TBL1X: variants seen among roughly 807,000 people sequenced by gnomAD.
The protein encoded by TBL1X is F-box-like/WD repeat-containing protein TBL1X.
Under a neutral mutation model 50.7 loss-of-function variants are expected in TBL1X, and 10 were observed. That is an observed-to-expected ratio of 0.20 (90% CI 0.12 to 0.33). The LOEUF (loss-of-function observed/expected upper bound fraction) is 0.33, where lower values mean the gene tolerates loss of function less well. Among genes scored for constraint, TBL1X ranks in the 10% least tolerant of loss-of-function variants. The pLI, the probability that TBL1X is intolerant of heterozygous loss-of-function variation, is 1.00. For missense variants in TBL1X, 340 were observed against 504.4 expected (o/e 0.67, Z 3.12); for synonymous variants, 190 against 214.7 (o/e 0.88, Z 1.01).
At chrX:9,514,390 C>T (rs2082071585) in intron 2 of TBL1X, among the ~76,000 whole-genome samples, 1 of 109,932 alleles carries the variant, frequency 9.1e-6, no homozygotes, top group Non-Finnish European at 1.9e-5. Flanking sequence ...ACCTTTATTT[C>T]CTTGCTAGTT....
rs1214518315 is a variant in TBL1X, at chrX:9,719,142, G to C, written c.*2896G>C. 1.8e-5 allele frequency: 2 copies of C among 112,349 alleles called. No individual in the cohort carries two copies. The highest frequency in any genetic ancestry group is 6.5e-5 in the African/African-American group (2 of 30,861). The allele number at this position is 112,349 out of a possible 1,213,427, so 9.3% of individuals were successfully genotyped here. A position where few individuals can be genotyped will look rare whatever the true frequency, so the allele number is the denominator to read the frequency against. ...GTGACCTTGAAAGCAGACATAGCAT[G>C]ACAGACCTTCCTAGAGTGTTTGGTC... On this transcript the variant is annotated 3_prime_UTR_variant, in exon 18 of 18. Transcript: ENST00000645353.
At chrX:9,473,757 C>T (rs1360245321) in intron 1 of TBL1X, among the ~76,000 whole-genome samples, 1 of 112,101 alleles carries the variant, frequency 8.9e-6, no homozygotes, top group Non-Finnish European at 1.9e-5. Flanking sequence ...CACAGTGGTT[C>T]TATGTCAACT....
chrX:9,498,598 G>T (rs2081984515), intron 1 of TBL1X, among the ~76,000 whole-genome samples: 1 of 112,651 alleles, frequency 8.9e-6, no homozygotes. Flanking sequence ...GGAGCACTGA[G>T]AGCCACAGCA....
intron 2 of TBL1X, among the ~76,000 whole-genome samples, chrX:9,597,572 A>G (rs1159356121): frequency 8.9e-6 from 1 of 112,686 alleles, no homozygotes; most frequent in African/African-American, 3.2e-5. Context: ...CCCACTGGCC[A>G]GACTGGATTC....
chrX:9,619,387 G>T (rs1436852956), intron 2 of TBL1X, among the ~76,000 whole-genome samples: 1 of 112,000 alleles, frequency 8.9e-6, no homozygotes, highest in Non-Finnish European at 1.9e-5. Flanking sequence ...GAGTGCCCCA[G>T]TGATCCCAGC....
chrX:9,555,712 C>A (rs1300269296), intron 2 of TBL1X, among the ~76,000 whole-genome samples: 2 of 112,031 alleles, frequency 1.8e-5, no homozygotes, highest in African/African-American at 6.5e-5. Context: ...ACTTGTTATT[C>A]TCTCTCAGAG....
intron 16 of TBL1X, 98 bp downstream of exon 16, chrX:9,711,874 T>G: frequency 1.0e-6 from 1 of 969,518 alleles, no homozygotes; most frequent in South Asian, 2.8e-5. Context: ...CCGGAGGGAG[T>G]TGAGCAAGCT....
chrX:9,674,123 A>G (rs2082976688), intron 5 of TBL1X, among the ~76,000 whole-genome samples: 1 of 112,498 alleles, frequency 8.9e-6, no homozygotes, highest in Non-Finnish European at 1.9e-5. Context: ...AAAAATAACA[A>G]TACAACAATT....
intron 2 of TBL1X, among the ~76,000 whole-genome samples, chrX:9,615,271 G>A (rs1486074524): frequency 3.6e-5 from 4 of 112,402 alleles, no homozygotes; most frequent in African/African-American, 1.3e-4. Flanking sequence ...AGCTTTCAAA[G>A]TGAGGATGAG....
chrX:9,607,092 C>A (rs992039338), intron 2 of TBL1X, among the ~76,000 whole-genome samples: 11 of 112,321 alleles, frequency 9.8e-5, no homozygotes, highest in African/African-American at 3.6e-4. Flanking sequence ...GCACCAAGAT[C>A]GTCTGTCCAC....
intron 16 of TBL1X, 69 bp downstream of exon 16, chrX:9,711,845 C>G: frequency 1.8e-6 from 2 of 1,100,637 alleles, no homozygotes; most frequent in African/African-American, 3.7e-5. Context: ...CTCCAGTGCC[C>G]TTGGCTCAGA....
intron 7 of TBL1X, among the ~76,000 whole-genome samples, chrX:9,690,633 C>T (rs1485374681): frequency 8.9e-6 from 1 of 112,193 alleles, no homozygotes; most frequent in Non-Finnish European, 1.9e-5. Flanking sequence ...TAGCCCATAA[C>T]AGTAGCCATA....
intron 5 of TBL1X, among the ~76,000 whole-genome samples, chrX:9,680,046 C>T (rs1195091497): frequency 8.9e-6 from 1 of 111,949 alleles, no homozygotes; most frequent in Non-Finnish European, 1.9e-5. Context: ...TCCTGTTTCA[C>T]ATGGATGGCT....
intron 2 of TBL1X, among the ~76,000 whole-genome samples, chrX:9,503,713 G>T (rs1450990673): frequency 8.9e-6 from 1 of 112,790 alleles, no homozygotes; most frequent in Non-Finnish European, 1.9e-5. Flanking sequence ...TCTTAGTTGG[G>T]GTGTGTGTGG....
intron 11 of TBL1X, among the ~76,000 whole-genome samples, chrX:9,695,779 C>T (rs1055195473): frequency 4.5e-5 from 5 of 111,973 alleles, no homozygotes; most frequent in South Asian, 3.7e-4. Flanking sequence ...CTTTAACTTC[C>T]GTAGAATTCT....
At chrX:9,621,043 G>A (rs2082664361) in intron 2 of TBL1X, among the ~76,000 whole-genome samples, 1 of 111,918 alleles carries the variant, frequency 8.9e-6, no homozygotes, top group Admixed American at 9.5e-5. Flanking sequence ...TGTGACTTAT[G>A]GAGACTACAG....
At chrX:9,605,957 A>C (rs751893496) in intron 2 of TBL1X, among the ~76,000 whole-genome samples, 2 of 112,321 alleles carry the variant, frequency 1.8e-5, no homozygotes, top group African/African-American at 6.5e-5. Flanking sequence ...AATGACCCCA[A>C]AACTCAGCAG....
intron 7 of TBL1X, among the ~76,000 whole-genome samples, chrX:9,690,612 G>A (rs1193320382): frequency 8.9e-6 from 1 of 111,924 alleles, no homozygotes; most frequent in Non-Finnish European, 1.9e-5. Flanking sequence ...GAATTTTAGG[G>A]GGACATAGTT....
intron 2 of TBL1X, among the ~76,000 whole-genome samples, chrX:9,590,362 G>GTT (rs747934973): frequency 2.3e-5 from 2 of 87,211 alleles, no homozygotes; most frequent in African/African-American, 8.5e-5. Flanking sequence ...AAGATTAAAA[G>GTT]TTTTTTTTTT....
Sources: gnomAD v4.1 joint callset for allele counts (sites outside exome capture counted in the v4.1 genomes callset) on GRCh38, gnomAD v4.1.1 for gene constraint, MANE v1.5 for transcripts, NCBI Gene and HGNC (gene_info 2026-07-23, HGNC 2026-07-21) for gene names.